The following FRK variants were observed in gnomAD, a reference collection of about 807,000 sequenced individuals.
FRK encodes the protein fyn related Src family tyrosine kinase.
FRK carries 51 observed loss-of-function variants against 56.4 expected under a neutral mutation model. That is an observed-to-expected ratio of 0.90 (90% CI 0.72 to 1.14). The LOEUF is 1.14. Ranked by LOEUF, FRK falls within the 50% of genes most tolerant of loss-of-function variation. The pLI is 0.00. For missense variants in FRK, 570 were observed against 601.4 expected (o/e 0.95, Z 0.55); for synonymous variants, 245 against 217.9 (o/e 1.12, Z -1.10).
At chr6:116,092,679 G>A in the FRK span, among the ~76,000 whole-genome samples, 489 of 152,310 alleles carry the variant, frequency 3.2e-3, no homozygotes, top group African/African-American at 0.011. Flanking sequence ...TCCAGGGACC[G>A]TTGTGGGTTC....
chr6:115,987,587 C>G (rs561255914), intron 2 of FRK, among the ~76,000 whole-genome samples: 35 of 152,078 alleles, frequency 2.3e-4, no homozygotes, highest in African/African-American at 5.5e-4. Context: ...TTATAAAAAC[C>G]AGAGTAACAC....
intron 1 of FRK, among the ~76,000 whole-genome samples, chr6:116,048,836 AAATTTGCCTTGCAG>A (rs1458392183): frequency 4.6e-5 from 7 of 152,228 alleles, no homozygotes; most frequent in African/African-American, 1.7e-4. Flanking sequence ...AGTGATAAGA[AAATTTGCCTTGCAG>A]AGCTATTAGA....
chr6:115,986,997 A>G (rs1249484521), intron 2 of FRK, among the ~76,000 whole-genome samples: 1 of 152,106 alleles, frequency 6.6e-6, no homozygotes, highest in East Asian at 1.9e-4. Flanking sequence ...GAGAGAAAAG[A>G]ACAAACCCAG....
At chr6:116,094,002 G>A in the FRK span, among the ~76,000 whole-genome samples, 1 of 152,202 alleles carries the variant, frequency 6.6e-6, no homozygotes, top group Non-Finnish European at 1.5e-5. Context: ...AGCAAGATAA[G>A]AGAAAGGCCG....
intron 1 of FRK, among the ~76,000 whole-genome samples, chr6:116,033,877 T>C (rs1468983057): frequency 6.6e-6 from 1 of 152,118 alleles, no homozygotes; most frequent in Non-Finnish European, 1.5e-5. Context: ...TAAGCCAGAT[T>C]GAAAGTTCAA....
rs1772366307 is a variant in FRK, at chr6:115,945,024, T to C, written c.959-599A>G. 3.9e-5 allele frequency among the ~76,000 whole-genome samples: 6 copies of C among 152,304 alleles called. No homozygotes were observed. The South Asian group carries it at 1.2e-3, about 32-fold the overall frequency. The stretch of plus-strand genomic sequence containing the variant: ...GGATAATGGCCTCCAGCTCCATCCA[T>C]GTTGCTGCAAAGGACATGATTTCAT... On this transcript the variant is annotated intron_variant, in intron 5 of 7. Coordinates refer to ENST00000606080, the MANE Select transcript of FRK (RefSeq NM_002031.3).
At position 115,931,184 on chromosome 6, in the gene FRK, C is replaced by T. The variant is rs1271286721; in HGVS notation, c.*11230G>A. The stretch of plus-strand genomic sequence containing the variant: ...ACATTGAATTTATATTTTAGATCCA[C>T]AATCAACTTGACTTCTGAAACAGTT... On this transcript the variant is annotated 3_prime_UTR_variant, in exon 8 of 8. Coordinates refer to ENST00000606080, the MANE Select transcript of FRK (RefSeq NM_002031.3). 1 of 152,182 alleles carries T rather than the reference C, an allele frequency of 6.6e-6. No individual in the cohort carries two copies. The highest frequency in any genetic ancestry group is 1.9e-4 in the East Asian group (1 of 5,202). The allele number at this position is 152,182 out of a possible 1,614,324, so 9.4% of individuals were successfully genotyped here.
chr6:116,034,259 C>T (rs1417929615), intron 1 of FRK, among the ~76,000 whole-genome samples: 1 of 152,084 alleles, frequency 6.6e-6, no homozygotes, highest in Non-Finnish European at 1.5e-5. Context: ...TTGGAATGCT[C>T]CCAACACGGA....
the FRK span, among the ~76,000 whole-genome samples, chr6:116,099,370 T>C: frequency 1.3e-5 from 2 of 152,250 alleles, no homozygotes; most frequent in Admixed American, 6.5e-5. Context: ...CAAGGAAACA[T>C]GTGCCCTTCA....
chr6:115,994,322 CCT>C (rs71684341), intron 2 of FRK, among the ~76,000 whole-genome samples: 8,385 of 51,848 alleles, frequency 0.16, 1,445 homozygotes, highest in Middle Eastern at 0.2. Flanking sequence ...AATCTCACAA[CCT>C]CCCCCCCCCC....
rs1006210037 is a variant in FRK, at chr6:115,934,604, C to T, written c.*7810G>A. 5.9e-5 allele frequency: 9 copies of T among 152,176 alleles called. No individual in the cohort carries two copies. Among genetic ancestry groups the T allele is most frequent in the Non-Finnish European group, 1.2e-4 (8 of 68,034 alleles). 9.4% of individuals were successfully genotyped at this position (152,176 alleles called of 1,614,324 possible). A position where few individuals can be genotyped will look rare whatever the true frequency, so the allele number is the denominator to read the frequency against. On this transcript the variant is annotated 3_prime_UTR_variant, in exon 8 of 8. Transcript: ENST00000606080. ...ATTGTGCCTGGAGCCCTCCCTACTT[C>T]CTGTCTCCCAGTTAAAAGAGTTTAC...
At chr6:116,092,166 T>C in the FRK span, among the ~76,000 whole-genome samples, 3 of 152,296 alleles carry the variant, frequency 2.0e-5, no homozygotes, top group East Asian at 1.9e-4. Flanking sequence ...ATCAGAGGCA[T>C]AATTTTTGCC....
chr6:115,958,987 A>C (rs1330237418), intron 4 of FRK, among the ~76,000 whole-genome samples: 1 of 152,220 alleles, frequency 6.6e-6, no homozygotes, highest in East Asian at 1.9e-4. Flanking sequence ...ACAGTAGGTC[A>C]GAAGCCTCTG....
intron 1 of FRK, among the ~76,000 whole-genome samples, chr6:116,052,289 T>C (rs1237038709): frequency 2.0e-5 from 3 of 152,146 alleles, no homozygotes; most frequent in African/African-American, 4.8e-5. Flanking sequence ...AGCAATTTCA[T>C]TGAGAAATGA....
chr6:115,932,319 A>G lies in FRK; in HGVS notation c.*10095T>C, dbSNP rs767645957. On this transcript the variant is annotated 3_prime_UTR_variant, in exon 8 of 8. Coordinates refer to ENST00000606080, the MANE Select transcript of FRK (RefSeq NM_002031.3). ...AGAGGATAACACTGAAAATTAAGATATGAATTTAAAAGATTTTTAGATACT... is the reference window on the plus strand; with the variant it reads ...AGAGGATAACACTGAAAATTAAGATGTGAATTTAAAAGATTTTTAGATACT... 1 of 152,238 alleles carries G rather than the reference A, an allele frequency of 6.6e-6. No individual in the cohort carries two copies. Among genetic ancestry groups the G allele is most frequent in the African/African-American group, 2.4e-5 (1 of 41,460 alleles). The allele number at this position is 152,238 out of a possible 1,614,324, so 9.4% of individuals were successfully genotyped here.
chr6:116,086,291 T>C, the FRK span, among the ~76,000 whole-genome samples: 1 of 152,214 alleles, frequency 6.6e-6, no homozygotes, highest in Non-Finnish European at 1.5e-5. Flanking sequence ...GTAGGTAGTA[T>C]TATCTCAATA....
the FRK span, among the ~76,000 whole-genome samples, chr6:116,086,607 A>C: frequency 3.9e-5 from 6 of 152,358 alleles, no homozygotes; most frequent in South Asian, 1.2e-3. Flanking sequence ...GGTTGTCAGA[A>C]CATTTCCTGA....
intron 1 of FRK, among the ~76,000 whole-genome samples, chr6:116,056,899 G>A (rs1210155309): frequency 1.3e-5 from 2 of 152,170 alleles, no homozygotes; most frequent in Admixed American, 6.5e-5. Flanking sequence ...ATTCAGTAAA[G>A]GTGAAAAGCA....
intron 1 of FRK, among the ~76,000 whole-genome samples, chr6:116,054,230 A>C (rs1439703760): frequency 6.6e-6 from 1 of 150,634 alleles, no homozygotes; most frequent in African/African-American, 2.4e-5. Context: ...TTCTTATTTT[A>C]CATCATCATA....
Sources: gnomAD v4.1 joint callset for allele counts (sites outside exome capture counted in the v4.1 genomes callset) on GRCh38, gnomAD v4.1.1 for gene constraint, MANE v1.5 for transcripts, NCBI Gene and HGNC (gene_info 2026-07-23, HGNC 2026-07-21) for gene names.